The following SMYD3 variants were observed in gnomAD, a reference collection of about 807,000 sequenced individuals.
SMYD3 encodes histone-lysine N-methyltransferase SMYD3.
In SMYD3, 36 loss-of-function variants were observed where a neutral mutation model predicts 57.7. That is an observed-to-expected ratio of 0.62 (90% CI 0.48 to 0.82). The LOEUF (loss-of-function observed/expected upper bound fraction) is 0.82, where lower values mean the gene tolerates loss of function less well. Among genes scored for constraint, SMYD3 ranks in the 40% least tolerant of loss-of-function variants. SMYD3 has a pLI of 0.00. For missense variants in SMYD3, 515 were observed against 538.8 expected (o/e 0.96, Z 0.44); for synonymous variants, 211 against 195.0 (o/e 1.08, Z -0.68).
intron 8 of SMYD3, among the ~76,000 whole-genome samples, chr1:245,903,548 CT>C (rs1454867657): frequency 2.6e-5 from 4 of 152,180 alleles, no homozygotes; most frequent in Non-Finnish European, 4.4e-5. Context: ...ACAGTACTGG[CT>C]TTTAACTTCC....
chr1:246,311,239 CA>C (rs1486721384), intron 5 of SMYD3, among the ~76,000 whole-genome samples: 3 of 152,144 alleles, frequency 2.0e-5, no homozygotes, highest in African/African-American at 4.8e-5. Flanking sequence ...CTTGTTTCCA[CA>C]AAATGCTAAA....
intron 5 of SMYD3, among the ~76,000 whole-genome samples, chr1:246,115,899 G>A (rs953318816): frequency 6.6e-6 from 1 of 152,132 alleles, no homozygotes; most frequent in Non-Finnish European, 1.5e-5. Flanking sequence ...AGCACTTCCG[G>A]AGGCCAAGGC....
intron 5 of SMYD3, among the ~76,000 whole-genome samples, chr1:246,049,266 C>G (rs1275971408): frequency 6.6e-6 from 1 of 151,976 alleles, no homozygotes; most frequent in Non-Finnish European, 1.5e-5. Context: ...AAAACAGAGT[C>G]GTTAAATATA....
intron 5 of SMYD3, among the ~76,000 whole-genome samples, chr1:246,144,426 A>G (rs1428287451): frequency 6.6e-6 from 1 of 152,230 alleles, no homozygotes; most frequent in African/African-American, 2.4e-5. Context: ...CATAACATCT[A>G]AAATACTGCA....
intron 5 of SMYD3, among the ~76,000 whole-genome samples, chr1:246,220,496 C>A (rs1409497446): frequency 1.3e-5 from 2 of 152,124 alleles, no homozygotes; most frequent in Non-Finnish European, 2.9e-5. Context: ...CTTTGGGGGG[C>A]CCAGGAAGGC....
chr1:246,265,530 T>C (rs1046604925), intron 5 of SMYD3, among the ~76,000 whole-genome samples: 2 of 152,206 alleles, frequency 1.3e-5, no homozygotes, highest in African/African-American at 4.8e-5. Flanking sequence ...GACAAGAGGC[T>C]GACTCCAGAA....
At chr1:245,838,031 CT>C (rs1158962974) in intron 10 of SMYD3, among the ~76,000 whole-genome samples, 2 of 152,194 alleles carry the variant, frequency 1.3e-5, no homozygotes, top group Non-Finnish European at 2.9e-5. Flanking sequence ...TGATCTCTGA[CT>C]TTTTTTTCCA....
chr1:245,935,473 T>C (rs987319062), intron 5 of SMYD3, among the ~76,000 whole-genome samples: 1 of 152,186 alleles, frequency 6.6e-6, no homozygotes, highest in Non-Finnish European at 1.5e-5. Flanking sequence ...CCAGCCATTA[T>C]GAAAAACTGT....
At chr1:246,314,504 T>C (rs2065126035) in intron 5 of SMYD3, among the ~76,000 whole-genome samples, 1 of 152,208 alleles carries the variant, frequency 6.6e-6, no homozygotes, top group African/African-American at 2.4e-5. Context: ...CACATTAAAG[T>C]ACTTGGTAGA....
At chr1:246,117,724 G>A (rs1172209611) in intron 5 of SMYD3, among the ~76,000 whole-genome samples, 3 of 152,202 alleles carry the variant, frequency 2.0e-5, no homozygotes, top group African/African-American at 4.8e-5. Flanking sequence ...TGTGCAGGAT[G>A]TGCAGGTTTG....
chr1:245,749,811 T>C, intron 11 of SMYD3, 147 bp from the exon 12 acceptor site: 1 of 589,844 alleles, frequency 1.7e-6, no homozygotes, highest in Non-Finnish European at 3.0e-6. Flanking sequence ...GCACTGTGGT[T>C]CTCCCAGCTG....
intron 10 of SMYD3, among the ~76,000 whole-genome samples, chr1:245,765,010 G>A (rs1157523393): frequency 2.0e-5 from 3 of 147,846 alleles, no homozygotes; most frequent in Non-Finnish European, 3.0e-5. Context: ...CTGAGCCCCC[G>A]CTGTATATGC....
At chr1:246,467,891 C>A (rs184413312) in intron 1 of SMYD3, among the ~76,000 whole-genome samples, 8 of 152,246 alleles carry the variant, frequency 5.3e-5, no homozygotes, top group Admixed American at 5.2e-4. Flanking sequence ...TTCAGCAGCA[C>A]ATCAAAAAGA....
intron 5 of SMYD3, among the ~76,000 whole-genome samples, chr1:245,981,758 A>G (rs1450444038): frequency 2.0e-5 from 3 of 152,266 alleles, no homozygotes; most frequent in African/African-American, 7.2e-5. Flanking sequence ...TGGCTCCAAT[A>G]AAGTTGTTTA....
intron 5 of SMYD3, among the ~76,000 whole-genome samples, chr1:246,161,550 C>T (rs1366533803): frequency 6.6e-6 from 1 of 152,198 alleles, no homozygotes; most frequent in African/African-American, 2.4e-5. Flanking sequence ...TCTATGCCTC[C>T]ACCTTGGTAT....
chr1:246,504,168 T>A (rs2068501300), intron 1 of SMYD3, among the ~76,000 whole-genome samples: 1 of 152,096 alleles, frequency 6.6e-6, no homozygotes, highest in Admixed American at 6.5e-5. Flanking sequence ...AAGCTACTAA[T>A]CAAAACAGCT....
chr1:245,961,859 T>A (rs1364876300), intron 5 of SMYD3, among the ~76,000 whole-genome samples: 1 of 152,198 alleles, frequency 6.6e-6, no homozygotes, highest in Admixed American at 6.5e-5. Flanking sequence ...CATCACCTCG[T>A]CCTTTTAACA....
chr1:245,948,110 C>T (rs745828996), intron 5 of SMYD3, among the ~76,000 whole-genome samples: 16 of 152,150 alleles, frequency 1.1e-4, no homozygotes, highest in Non-Finnish European at 2.1e-4. Flanking sequence ...TCACCACCCT[C>T]GGGTGCTGTC....
chr1:245,943,904 G>A (rs1443615219), intron 5 of SMYD3, among the ~76,000 whole-genome samples: 1 of 152,168 alleles, frequency 6.6e-6, no homozygotes, highest in East Asian at 1.9e-4. Flanking sequence ...TATCTCAATA[G>A]ATGCAGACAA....
Sources: allele counts gnomAD v4.1 joint callset (sites outside exome capture counted in the v4.1 genomes callset), GRCh38; gene constraint gnomAD v4.1.1; transcripts MANE v1.5; gene names NCBI Gene and HGNC (gene_info 2026-07-23, HGNC 2026-07-21).